Variants in COL4A4 observed in about 807,000 individuals in gnomAD.
COL4A4 encodes collagen alpha-4(IV) chain.
COL4A4 carries 105 observed loss-of-function variants against 192.9 expected under a neutral mutation model. The observed-to-expected ratio is 0.54, with a 90% CI of 0.46 to 0.64. The LOEUF (loss-of-function observed/expected upper bound fraction) is 0.64. Ranked by LOEUF, COL4A4 falls within the 30% of genes least tolerant of loss-of-function variation. The pLI is 0.00. For missense variants in COL4A4, 1,967 were observed against 2,169.3 expected (o/e 0.91, Z 1.85); for synonymous variants, 762 against 769.9 (o/e 0.99, Z 0.17).
chr2:227,114,649 T>G lies in COL4A4; in HGVS notation c.537A>C (p.Leu179Phe). 6.2e-7 allele frequency: 1 copy of G among 1,614,088 alleles called. No individual in the cohort carries two copies. ...KGEKGNSVFILGAVKGIQGDR... is the reference protein window; with the variant it reads ...KGEKGNSVFIFGAVKGIQGDR... ...TTACCTGAATACCTTTAACGGCACCTAAAATGAACACTGAATTTCCTTTTT... is the reference window on the plus strand; with the variant it reads ...TTACCTGAATACCTTTAACGGCACCGAAAATGAACACTGAATTTCCTTTTT... Residue 179 changes from leucine to phenylalanine, a missense_variant, in exon 8 of 48, where the codon TTA (leucine) becomes TTC (phenylalanine). Coordinates refer to ENST00000396625, the MANE Select transcript of COL4A4 (RefSeq NM_000092.5).
At chr2:227,059,352 G>A in intron 28 of COL4A4, 53 bp downstream of exon 28, 2 of 1,452,514 alleles carry the variant, frequency 1.4e-6, no homozygotes, top group Non-Finnish European at 1.9e-6. Flanking sequence ...TCAGTGACCT[G>A]TTCCAAAACT....
At chr2:227,062,455 G>A in intron 26 of COL4A4, 75 bp downstream of exon 26, 1 of 932,532 alleles carries the variant, frequency 1.1e-6, no homozygotes, top group South Asian at 1.3e-5. Context: ...ATTCACTCTT[G>A]GTTTATCTGT....
chr2:227,044,999 A>G (rs1972146861), intron 35 of COL4A4, among the ~76,000 whole-genome samples: 1 of 152,190 alleles, frequency 6.6e-6, no homozygotes, highest in South Asian at 2.1e-4. Flanking sequence ...TAAGTGTAAA[A>G]TCACTCAGGT....
Position 227,030,484 on chromosome 2 carries a change from T to C in COL4A4, c.3932A>G (p.Tyr1311Cys). 6.2e-7 allele frequency: 1 copy of C among 1,614,178 alleles called. No individual in the cohort carries two copies. The highest frequency in any genetic ancestry group is 1.3e-5 in the African/African-American group (1 of 75,058). The part of the protein sequence containing the change: ...GPPGPPGPPG[Y>C]KGFPGCDGKD... ...TCCATCACATCCTGGAAAGCCTTTG[T>C]ATCCTGGAGGGCCTGGTGGGCCAGG... The change falls in exon 41 of 48, where the codon TAC (tyrosine) becomes TGC (cysteine). Residue 1311 changes from tyrosine to cysteine, a missense_variant. Coordinates refer to ENST00000396625, the MANE Select transcript of COL4A4 (RefSeq NM_000092.5).
At chr2:227,111,038 A>T (rs1262480284) in intron 9 of COL4A4, among the ~76,000 whole-genome samples, 1 of 152,242 alleles carries the variant, frequency 6.6e-6, no homozygotes, top group Non-Finnish European at 1.5e-5. Flanking sequence ...AGACTAATAT[A>T]ATCATTGAAT....
In COL4A4 at chr2:227,139,038, G is replaced by A. The variant is rs138815629; in HGVS notation, c.192+1123C>T. Among the ~76,000 whole-genome samples, 7 of 152,288 alleles carry A rather than the reference G, an allele frequency of 4.6e-5. No homozygotes were observed. The East Asian group carries it at 7.7e-4, about 17-fold the overall frequency. On this transcript the variant is annotated intron_variant, in intron 4 of 47. Coordinates refer to ENST00000396625, the MANE Select transcript of COL4A4 (RefSeq NM_000092.5). Reference sequence around the variant, plus strand: ...TAGTAGGAGGAGATGGGGTATTTGGGAGGTAATTAATCAGAGCGGAGTAGT... The same window carrying A: ...TAGTAGGAGGAGATGGGGTATTTGGAAGGTAATTAATCAGAGCGGAGTAGT...
chr2:227,052,799 C>A (rs1251495612), intron 31 of COL4A4, among the ~76,000 whole-genome samples: 1 of 152,172 alleles, frequency 6.6e-6, no homozygotes, highest in Non-Finnish European at 1.5e-5. Context: ...TCCTAGCCAT[C>A]CTCTCTTACT....
At chr2:227,041,848 G>GAAAGAAAGAGAGAGAGAGAGAGAAAGAA (rs1243663359) in intron 37 of COL4A4, among the ~76,000 whole-genome samples, 10 of 38,686 alleles carry the variant, frequency 2.6e-4, no homozygotes, top group Non-Finnish European at 3.8e-4. Flanking sequence ...AAGAAAGAAA[G>GAAAGAAAGAGAGAGAGAGAGAGAAAGAA]AGAAAGAAAG....
At chr2:226,988,013 G>A in the COL4A4 span, among the ~76,000 whole-genome samples, 2 of 152,192 alleles carry the variant, frequency 1.3e-5, no homozygotes, top group African/African-American at 4.8e-5. Flanking sequence ...AAAAAGCTGA[G>A]AATGGGAGAA....
chr2:227,150,972 G>T (rs1306513754), intron 1 of COL4A4, among the ~76,000 whole-genome samples: 3 of 151,520 alleles, frequency 2.0e-5, no homozygotes, highest in African/African-American at 7.3e-5. Context: ...TATAATTTCT[G>T]GAGTATTATA....
At chr2:227,108,711 T>C in intron 11 of COL4A4, 89 bp from the exon 12 acceptor site, 1 of 1,527,380 alleles carries the variant, frequency 6.5e-7, no homozygotes, top group East Asian at 2.3e-5. Context: ...CACAATATAT[T>C]GCAGTTCATG....
chr2:227,016,748 A>C (rs1964956774), intron 44 of COL4A4, among the ~76,000 whole-genome samples: 1 of 151,934 alleles, frequency 6.6e-6, no homozygotes, highest in African/African-American at 2.4e-5. Context: ...GTTGAGCTAC[A>C]CTCAGTGCAG....
Position 227,120,907 on chromosome 2 carries a change from C to A in COL4A4, c.327+107G>T. The A allele has an allele frequency of 2.7e-6, 4 of 1,462,696 alleles. No homozygotes were observed. The South Asian group carries it at 4.8e-5, about 18-fold the overall frequency. The allele number at this position is 1,462,696 out of a possible 1,614,324, so 90.6% of individuals were successfully genotyped here. ...TGAGCTGAGATCCCACCACTGCATT[C>A]TAGCCTGAGTGACAGAGTAAGACTG... On this transcript the variant is annotated intron_variant, in intron 5 of 47. Transcript: ENST00000396625.
chr2:227,012,082 A>G, intron 45 of COL4A4, 99 bp downstream of exon 45: 2 of 934,966 alleles, frequency 2.1e-6, no homozygotes, highest in Admixed American at 3.5e-5. Flanking sequence ...AATGATCTGA[A>G]TAGGATCCAG....
chr2:227,010,261 A>G (rs1484356368), intron 46 of COL4A4, 52 bp downstream of exon 46: 1 of 1,583,868 alleles, frequency 6.3e-7, no homozygotes, highest in Non-Finnish European at 8.7e-7. Flanking sequence ...AGTAAAATTA[A>G]CCCCAAATTT....
chr2:227,133,361 A>C (rs920616713), intron 4 of COL4A4, among the ~76,000 whole-genome samples: 1 of 152,238 alleles, frequency 6.6e-6, no homozygotes, highest in Non-Finnish European at 1.5e-5. Context: ...TACATTCTAC[A>C]GTGTAGTAGG....
chr2:226,995,776 C>G, the COL4A4 span: 2 of 480,494 alleles, frequency 4.2e-6, no homozygotes, highest in East Asian at 3.6e-5. Flanking sequence ...CCAGTTTCCA[C>G]GCTCCCATCT....
intron 37 of COL4A4, among the ~76,000 whole-genome samples, chr2:227,033,879 C>A (rs1276553438): frequency 7.2e-6 from 1 of 138,192 alleles, no homozygotes; most frequent in Non-Finnish European, 1.5e-5. Context: ...GGCTTGGGGT[C>A]ACTGCACCCT....
intron 20 of COL4A4, among the ~76,000 whole-genome samples, chr2:227,093,721 T>C (rs566583469): frequency 6.6e-6 from 1 of 152,282 alleles, no homozygotes; most frequent in African/African-American, 2.4e-5. Flanking sequence ...AAAACTCCAG[T>C]CTTCCATTTA....
Sources: allele counts gnomAD v4.1 joint callset (sites outside exome capture counted in the v4.1 genomes callset), GRCh38; gene constraint gnomAD v4.1.1; transcripts MANE v1.5; gene names NCBI Gene and HGNC (gene_info 2026-07-23, HGNC 2026-07-21).